SPRING1: variants seen among roughly 807,000 people sequenced by gnomAD.
The protein encoded by SPRING1 is SREBF pathway regulator in golgi 1, also known as SREBP regulating gene protein.
SPRING1 carries 14 observed loss-of-function variants against 24.7 expected under a neutral mutation model. The ratio of observed to expected loss-of-function variants is 0.57; its 90% CI spans 0.37 to 0.88. SPRING1 has a LOEUF of 0.88. Ranked by LOEUF, SPRING1 falls within the 40% of genes least tolerant of loss-of-function variation. The pLI is 0.00. For synonymous variants in SPRING1, 93 were observed against 106.1 expected (o/e 0.88, Z 0.76); for missense variants, 255 against 268.4 (o/e 0.95, Z 0.35).
At chr12:116,723,936 C>A (rs1309139045) in intron 1 of SPRING1, among the ~76,000 whole-genome samples, 1 of 152,050 alleles carries the variant, frequency 6.6e-6, no homozygotes, top group Admixed American at 6.6e-5. Flanking sequence ...CCGCTAGGAG[C>A]CAGCTTACAA....
chr12:116,721,541 C>G (rs186367573), intron 2 of SPRING1, among the ~76,000 whole-genome samples: 28 of 152,290 alleles, frequency 1.8e-4, no homozygotes, highest in African/African-American at 6.5e-4. Context: ...CAAATGAGGT[C>G]TATAGAGAAC....
At chr12:116,735,489 T>C (rs1360794714) in intron 1 of SPRING1, among the ~76,000 whole-genome samples, 1 of 151,992 alleles carries the variant, frequency 6.6e-6, no homozygotes, top group African/African-American at 2.4e-5. Context: ...CCCAGCACTT[T>C]GGGAGGCCGA....
In SPRING1 at chr12:116,738,005, G is replaced by C; in HGVS notation, c.-105C>G. ...CCCGGCAGCCCCATCCCTCCAGGCA[G>C]GCGCCGGCCCCGCCGCCCGCAGCCC... On this transcript the variant is annotated 5_prime_UTR_variant, in exon 1 of 5. Coordinates refer to ENST00000261318, the MANE Select transcript of SPRING1 (RefSeq NM_024738.4). The C allele has an allele frequency of 1.8e-6, 2 of 1,138,790 alleles. No individual in the cohort carries two copies. The highest frequency in any genetic ancestry group is 2.2e-6 in the Non-Finnish European group (2 of 925,064). The allele number at this position is 1,138,790 out of a possible 1,614,324, so 70.5% of individuals were successfully genotyped here. A position where few individuals can be genotyped will look rare whatever the true frequency, so the allele number is the denominator to read the frequency against.
rs576283277 is a variant in SPRING1 at position 116,721,053 on chromosome 12, C to T, written c.269-606G>A. ...CCTTTGGGAATGCAGTTCTCTAATA[C>T]TCAAGAAAGAAAAAAACCTCTTAAT... On this transcript the variant is annotated intron_variant, in intron 2 of 4. Transcript: ENST00000261318. 9.4e-4 allele frequency among the ~76,000 whole-genome samples: 143 copies of T among 152,296 alleles called. 1 individual carries two copies. Among genetic ancestry groups the T allele is most frequent in the South Asian group, 7.7e-3 (37 of 4,824 alleles).
intron 4 of SPRING1, 73 bp downstream of exon 4, chr12:116,719,690 C>A: frequency 7.9e-7 from 1 of 1,268,198 alleles, no homozygotes; most frequent in East Asian, 2.3e-5. Context: ...AAAGGATCGA[C>A]AGTGTGTATT....
chr12:116,715,091 C>T lies in SPRING1; in HGVS notation c.*2719G>A, dbSNP rs943240693. ...TCACAAAAACAGGCACACGCCCCCA[C>T]ACCCGGCTAATTTTTGTATTTTTAG... On this transcript the variant is annotated 3_prime_UTR_variant, in exon 5 of 5. Coordinates refer to ENST00000261318, the MANE Select transcript of SPRING1 (RefSeq NM_024738.4). 8 of 152,008 alleles carry T rather than the reference C, an allele frequency of 5.3e-5. No individual in the cohort carries two copies. Among genetic ancestry groups the T allele is most frequent in the African/African-American group, 1.7e-4 (7 of 41,376 alleles). The allele number at this position is 152,008 out of a possible 1,614,324, so 9.4% of individuals were successfully genotyped here. A position where few individuals can be genotyped will look rare whatever the true frequency, so the allele number is the denominator to read the frequency against.
At position 116,718,217 on chromosome 12, in the gene SPRING1, A is replaced by G. The variant is rs1263001963; in HGVS notation, c.535-324T>C. 3.3e-5 allele frequency among the ~76,000 whole-genome samples: 5 copies of G among 152,352 alleles called. No individual in the cohort carries two copies. In the East Asian group the frequency reaches 9.6e-4, roughly 29 times the overall value. On this transcript the variant is annotated intron_variant, in intron 4 of 4. Transcript: ENST00000261318. Reference sequence around the variant, plus strand: ...TACTTTTCCTCAAATTACTTGAAACAGTCTAAGATCCAATGGGTGTTTTGC... The same window carrying G: ...TACTTTTCCTCAAATTACTTGAAACGGTCTAAGATCCAATGGGTGTTTTGC...
At position 116,717,642 on chromosome 12, in the gene SPRING1, G is replaced by T; in HGVS notation, c.*168C>A. On this transcript the variant is annotated 3_prime_UTR_variant, in exon 5 of 5. Transcript: ENST00000261318. The surrounding 1 kb of genome is among the most constrained non-coding windows in gnomAD (Gnocchi z 4.2). ...GAGTTCCATCTGGTAAGCCCGGGTG[G>T]TGAGCGAAGCCAAAGATGACAACAC... 1.7e-6 allele frequency: 1 copy of T among 579,338 alleles called. No individual in the cohort carries two copies. Among genetic ancestry groups the T allele is most frequent in the Non-Finnish European group, 3.0e-6 (1 of 334,322 alleles). 35.9% of individuals were successfully genotyped at this position (579,338 alleles called of 1,614,324 possible). A position where few individuals can be genotyped will look rare whatever the true frequency, so the allele number is the denominator to read the frequency against.
chr12:116,726,191 AC>A (rs1409930129), intron 1 of SPRING1, among the ~76,000 whole-genome samples: 1 of 152,204 alleles, frequency 6.6e-6, no homozygotes, highest in African/African-American at 2.4e-5. Flanking sequence ...CATTTAGTAA[AC>A]ACATCCTCTA....
At chr12:116,724,939 T>G (rs2137037108) in intron 1 of SPRING1, among the ~76,000 whole-genome samples, 1 of 152,366 alleles carries the variant, frequency 6.6e-6, no homozygotes, top group South Asian at 2.1e-4. Context: ...ATGATTTTAA[T>G]ACATAGACAG....
intron 1 of SPRING1, among the ~76,000 whole-genome samples, chr12:116,725,775 AC>A (rs1218709429): frequency 6.6e-6 from 1 of 151,964 alleles, no homozygotes; most frequent in Non-Finnish European, 1.5e-5. Flanking sequence ...AGTCCCAGCT[AC>A]TCAGGAGGCT....
chr12:116,737,997 T>C lies in SPRING1; in HGVS notation c.-97A>G, dbSNP rs1458915804. The stretch of plus-strand genomic sequence containing the variant: ...CCTACGCGCCCGGCAGCCCCATCCC[T>C]CCAGGCAGGCGCCGGCCCCGCCGCC... On this transcript the variant is annotated 5_prime_UTR_variant, in exon 1 of 5. Coordinates refer to ENST00000261318, the MANE Select transcript of SPRING1 (RefSeq NM_024738.4). 363 of 1,157,674 alleles carry C rather than the reference T, an allele frequency of 3.1e-4. No individual in the cohort carries two copies. The highest frequency in any genetic ancestry group is 3.7e-4 in the Non-Finnish European group (348 of 936,160). 71.7% of individuals were successfully genotyped at this position (1,157,674 alleles called of 1,614,324 possible). A position where few individuals can be genotyped will look rare whatever the true frequency, so the allele number is the denominator to read the frequency against.
At chr12:116,722,946 T>TG (rs1344257326) in intron 2 of SPRING1, 121 bp downstream of exon 2, 3 of 1,279,912 alleles carry the variant, frequency 2.3e-6, no homozygotes, top group Non-Finnish European at 3.2e-6. Flanking sequence ...TGGGGAATGT[T>TG]GGAGATGAGC....
chr12:116,734,782 C>T (rs1311009955), intron 1 of SPRING1, among the ~76,000 whole-genome samples: 1 of 152,208 alleles, frequency 6.6e-6, no homozygotes, highest in South Asian at 2.1e-4. Flanking sequence ...AAGTAATTTA[C>T]ACCGTGTCAC....
intron 1 of SPRING1, among the ~76,000 whole-genome samples, chr12:116,737,044 G>A (rs954865486): frequency 2.0e-5 from 3 of 152,180 alleles, no homozygotes; most frequent in African/African-American, 7.2e-5. Flanking sequence ...GCCAGCAAAT[G>A]CACGCCCTCT....
chr12:116,720,161 G>T lies in SPRING1; in HGVS notation c.420+135C>A. 1.7e-6 allele frequency: 2 copies of T among 1,179,968 alleles called. No individual in the cohort carries two copies. Among genetic ancestry groups the T allele is most frequent in the Non-Finnish European group, 2.3e-6 (2 of 858,368 alleles). The allele number at this position is 1,179,968 out of a possible 1,614,324, so 73.1% of individuals were successfully genotyped here. On this transcript the variant is annotated intron_variant, in intron 3 of 4. Transcript: ENST00000261318. The surrounding 1 kb of genome is among the most constrained non-coding windows in gnomAD (Gnocchi z 4.0). ...TTCCTTAGATAAAAGCTATTGTGCA[G>T]CAATTTCTGACACCTACAAAGCTCC...
rs903087975 is a variant in SPRING1, at chr12:116,737,919, C to A, written c.-19G>T. On this transcript the variant is annotated 5_prime_UTR_variant, in exon 1 of 5. Coordinates refer to ENST00000261318, the MANE Select transcript of SPRING1 (RefSeq NM_024738.4). ...TCACCATCCCGGCGCGGACGTGGGG[C>A]GCGGCGGCCGGGGCGCGGAACGCGG... is the stretch of plus-strand genomic sequence containing the variant. The A allele has an allele frequency of 3.3e-6, 5 of 1,497,546 alleles. No homozygotes were observed. The highest frequency in any genetic ancestry group is 1.5e-5 in the African/African-American group (1 of 68,558). 92.8% of individuals were successfully genotyped at this position (1,497,546 alleles called of 1,614,324 possible).
intron 1 of SPRING1, among the ~76,000 whole-genome samples, chr12:116,729,727 ATAT>A (rs1332764417): frequency 6.6e-6 from 1 of 152,230 alleles, no homozygotes; most frequent in Non-Finnish European, 1.5e-5. Flanking sequence ...AAAAGACCAC[ATAT>A]TATAGAATGC....
In SPRING1 at chr12:116,711,025, A is replaced by ACACACACACACACACG. The variant is rs36071252; in HGVS notation, c.*6784_*6785insCGTGTGTGTGTGTGTG. 0.15 allele frequency: 22,245 copies of ACACACACACACACACG among 150,680 alleles called. 1,747 individuals carry two copies. Among genetic ancestry groups the ACACACACACACACACG allele is most frequent in the East Asian group, 0.27 (1,376 of 5,142 alleles). The allele number at this position is 150,680 out of a possible 1,614,324, so 9.3% of individuals were successfully genotyped here. A position where few individuals can be genotyped will look rare whatever the true frequency, so the allele number is the denominator to read the frequency against. ...TTTTGTTACACACACACACACACACACACGCACACACAGAGCCAATGTATG... is the reference window on the plus strand; with the variant it reads ...TTTTGTTACACACACACACACACACACACACACACACACACGCACGCACACACAGAGCCAATGTATG... On this transcript the variant is annotated 3_prime_UTR_variant, in exon 5 of 5. Coordinates refer to ENST00000261318, the MANE Select transcript of SPRING1 (RefSeq NM_024738.4).
Sources: gnomAD v4.1 joint callset for allele counts (sites outside exome capture counted in the v4.1 genomes callset) on GRCh38, gnomAD v4.1.1 for gene constraint, Gnocchi (gnomAD v3.1) non-coding constraint, MANE v1.5 for transcripts, NCBI Gene and HGNC (gene_info 2026-07-23, HGNC 2026-07-21) for gene names.